Variants in PTPRT observed in about 807,000 individuals in gnomAD.
PTPRT encodes receptor-type tyrosine-protein phosphatase T.
A neutral mutation model predicts 176.8 loss-of-function variants in PTPRT; 56 were observed. The ratio of observed to expected loss-of-function variants is 0.32; its 90% confidence interval spans 0.26 to 0.40. The LOEUF (loss-of-function observed/expected upper bound fraction) is 0.40. PTPRT is among the 10% of genes least tolerant of loss of function. PTPRT has a pLI of 1.00. For missense variants in PTPRT, 1,540 were observed against 1,908.2 expected, an observed-to-expected ratio of 0.81 and a Z score of 3.60; for synonymous variants, 783 against 739.0, an observed-to-expected ratio of 1.06 and a Z score of -0.96.
intron 11 of PTPRT, among the ~76,000 whole-genome samples, chr20:42,335,623 A>G (rs1362947312): frequency 6.6e-6 from 1 of 152,236 alleles, no homozygotes; most frequent in African/African-American, 2.4e-5. Context: ...TATGACTGCC[A>G]AAATTATAAA....
chr20:42,585,702 T>C (rs1443466556), intron 7 of PTPRT, among the ~76,000 whole-genome samples: 1 of 152,150 alleles, frequency 6.6e-6, no homozygotes, highest in East Asian at 1.9e-4. Context: ...AAATCAATCA[T>C]CTCCTGTACA....
At chr20:42,666,188 A>G (rs1193223222) in intron 7 of PTPRT, among the ~76,000 whole-genome samples, 1 of 152,170 alleles carries the variant, frequency 6.6e-6, no homozygotes, top group African/African-American at 2.4e-5. Context: ...TATAAGACCA[A>G]TCACACAGGA....
In PTPRT at chr20:43,119,716, T is replaced by C. The variant is rs956916587; in HGVS notation, c.88+69930A>G. Reference sequence around the variant, plus strand: ...ATTGCCAAAAAATTTTTAACAAACATTAATATAATGCATAACATCCCAGTA... The same window carrying C: ...ATTGCCAAAAAATTTTTAACAAACACTAATATAATGCATAACATCCCAGTA... On this transcript the variant is annotated intron_variant, in intron 1 of 30. Transcript: ENST00000373187. Among the ~76,000 whole-genome samples the C allele has an allele frequency of 2.0e-5, 3 of 152,340 alleles. No individual in the cohort carries two copies. The South Asian group carries it at 6.2e-4, about 32-fold the overall frequency.
At chr20:42,994,542 C>T (rs769150859) in intron 1 of PTPRT, among the ~76,000 whole-genome samples, 5 of 151,864 alleles carry the variant, frequency 3.3e-5, no homozygotes, top group Non-Finnish European at 5.9e-5. Flanking sequence ...TACAGGCTGT[C>T]TCATACCTTA....
chr20:43,139,044 T>C (rs2013921818), intron 1 of PTPRT, among the ~76,000 whole-genome samples: 1 of 152,240 alleles, frequency 6.6e-6, no homozygotes, highest in African/African-American at 2.4e-5. Flanking sequence ...GAAGCCCTAA[T>C]GAAGACGCCC....
intron 7 of PTPRT, among the ~76,000 whole-genome samples, chr20:42,483,251 C>T (rs1157483884): frequency 8.5e-5 from 13 of 152,132 alleles, no homozygotes; most frequent in Admixed American, 8.5e-4. Context: ...CTGCAACTTC[C>T]ACTTCCCAGG....
At chr20:42,104,803 T>C (rs921648769) in intron 24 of PTPRT, 85 bp from the exon 25 acceptor site, 14 of 1,374,896 alleles carry the variant, frequency 1.0e-5, no homozygotes, top group Non-Finnish European at 1.4e-5. Flanking sequence ...GTTGTGGCTA[T>C]GAAGAATAGA....
intron 2 of PTPRT, among the ~76,000 whole-genome samples, chr20:42,843,551 G>A (rs189701400): frequency 1.0e-3 from 153 of 152,340 alleles, no homozygotes; most frequent in South Asian, 4.6e-3. Context: ...CCTGGCAAGG[G>A]TGATAACCTC....
chr20:42,081,733 G>A, intron 30 of PTPRT, 149 bp downstream of exon 30: 1 of 1,049,424 alleles, frequency 9.5e-7, no homozygotes, highest in Non-Finnish European at 1.4e-6. Context: ...GAAGACACAG[G>A]ACAGACAACA....
chr20:43,115,938 C>T (rs910794819), intron 1 of PTPRT, among the ~76,000 whole-genome samples: 5 of 152,168 alleles, frequency 3.3e-5, no homozygotes, highest in Admixed American at 1.3e-4. Flanking sequence ...ACTTTGTCCT[C>T]AAATAAACCT....
chr20:42,081,032 G>T, intron 30 of PTPRT, 100 bp from the exon 31 acceptor site: 1 of 1,025,564 alleles, frequency 9.8e-7, no homozygotes, highest in Non-Finnish European at 1.5e-6. Context: ...TACAGATTTT[G>T]GAGAAAACTT....
At chr20:42,675,146 T>C (rs903845280) in intron 7 of PTPRT, among the ~76,000 whole-genome samples, 1 of 152,112 alleles carries the variant, frequency 6.6e-6, no homozygotes, top group African/African-American at 2.4e-5. Context: ...TTCCACCACT[T>C]CACAGTCACT....
At chr20:43,089,139 A>G (rs947345872) in intron 1 of PTPRT, among the ~76,000 whole-genome samples, 1 of 152,206 alleles carries the variant, frequency 6.6e-6, no homozygotes, top group African/African-American at 2.4e-5. Flanking sequence ...CATGCACCCA[A>G]TCTTATGAGT....
intron 7 of PTPRT, among the ~76,000 whole-genome samples, chr20:42,531,411 C>T (rs1568954840): frequency 1.3e-5 from 2 of 152,184 alleles, no homozygotes; most frequent in African/African-American, 4.8e-5. Context: ...AAATTGATTA[C>T]CTTCTTATTA....
At chr20:42,689,889 AT>A (rs1317295899) in intron 6 of PTPRT, among the ~76,000 whole-genome samples, 2 of 152,152 alleles carry the variant, frequency 1.3e-5, no homozygotes, top group African/African-American at 2.4e-5. Flanking sequence ...CCACTGACCC[AT>A]TTTAGACTTC....
At chr20:43,110,394 A>C (rs1210699471) in intron 1 of PTPRT, among the ~76,000 whole-genome samples, 2 of 152,208 alleles carry the variant, frequency 1.3e-5, no homozygotes, top group African/African-American at 4.8e-5. Flanking sequence ...GATTTGGTAG[A>C]GACAAATTAA....
intron 7 of PTPRT, among the ~76,000 whole-genome samples, chr20:42,601,969 C>A (rs1294318390): frequency 1.3e-5 from 2 of 152,102 alleles, no homozygotes; most frequent in South Asian, 4.1e-4. Flanking sequence ...TAACAAGCAA[C>A]AAAAACTGAA....
At chr20:42,131,163 G>T (rs563688663) in intron 18 of PTPRT, among the ~76,000 whole-genome samples, 5 of 152,302 alleles carry the variant, frequency 3.3e-5, no homozygotes, top group African/African-American at 1.2e-4. Context: ...TGGAGTGTGT[G>T]CAAACAGCTC....
chr20:42,616,533 T>A (rs1214990015), intron 7 of PTPRT, among the ~76,000 whole-genome samples: 17 of 127,218 alleles, frequency 1.3e-4, no homozygotes, highest in Admixed American at 1.5e-4. Context: ...TTGGGCAGTA[T>A]GGCCATTTTC....
Sources: gnomAD v4.1 joint callset for allele counts (sites outside exome capture counted in the v4.1 genomes callset) on GRCh38, gnomAD v4.1.1 for gene constraint, MANE v1.5 for transcripts, NCBI Gene and HGNC (gene_info 2026-07-23, HGNC 2026-07-21) for gene names.